SAMD12: variants seen among roughly 807,000 people sequenced by gnomAD.
SAMD12 encodes the protein sterile alpha motif domain-containing protein 12.
A neutral mutation model predicts 15.0 loss-of-function variants in SAMD12; 9 were observed. The observed-to-expected ratio is 0.60, with a 90% confidence interval of 0.36 to 1.05. SAMD12 has a LOEUF of 1.05. Among genes scored for constraint, SAMD12 ranks in the 50% least tolerant of loss-of-function variants. The pLI, the probability that SAMD12 is intolerant of heterozygous loss-of-function variation, is 0.01. For synonymous variants in SAMD12, 86 were observed against 90.1 expected, an observed-to-expected ratio of 0.96 and a Z score of 0.25; for missense variants, 230 against 234.2, an observed-to-expected ratio of 0.98 and a Z score of 0.12.
downstream of SAMD12, among the ~76,000 whole-genome samples, chr8:118,187,541 G>A (rs1819262086): frequency 6.6e-6 from 1 of 152,158 alleles, no homozygotes. Flanking sequence ...ATAAGATTCT[G>A]AATAATCTTA....
the SAMD12 span, among the ~76,000 whole-genome samples, chr8:118,140,928 C>A: frequency 1.3e-5 from 2 of 152,204 alleles, no homozygotes; most frequent in South Asian, 4.1e-4. Flanking sequence ...CCATGGCCTG[C>A]ATCAGGTTTT....
chr8:118,366,378 C>G (rs1014478098), intron 4 of SAMD12, among the ~76,000 whole-genome samples: 2 of 152,176 alleles, frequency 1.3e-5, no homozygotes, highest in Non-Finnish European at 2.9e-5. Context: ...GTCTCCTTAA[C>G]ATGACTTCAA....
chr8:118,193,444 A>T (rs1029425108), exon 5 of SAMD12: 2 of 152,240 alleles, frequency 1.3e-5, no homozygotes, highest in South Asian at 4.1e-4. Flanking sequence ...TGGATTCAGG[A>T]TTAGATTCAG....
intron 2 of SAMD12, among the ~76,000 whole-genome samples, chr8:118,497,723 C>CG (rs57304177): frequency 0.094 from 5,527 of 58,498 alleles, 314 homozygotes; most frequent in African/African-American, 0.17. Flanking sequence ...ACTTAAGTTG[C>CG]GGGGGGGGGT....
chr8:118,139,449 C>T, the SAMD12 span, among the ~76,000 whole-genome samples: 2 of 152,188 alleles, frequency 1.3e-5, no homozygotes, highest in East Asian at 1.9e-4. Context: ...GACTCAAACT[C>T]CTAGCTTGAA....
At chr8:118,539,939 C>T (rs1825944530) in intron 2 of SAMD12, among the ~76,000 whole-genome samples, 1 of 152,152 alleles carries the variant, frequency 6.6e-6, no homozygotes, top group Non-Finnish European at 1.5e-5. Context: ...ATTTATTCAA[C>T]AAATATTTAC....
intron 4 of SAMD12, among the ~76,000 whole-genome samples, chr8:118,228,654 T>C (rs1485948305): frequency 6.6e-6 from 1 of 152,146 alleles, no homozygotes; most frequent in Non-Finnish European, 1.5e-5. Context: ...TTGGCTTGGA[T>C]GCAGTGATCA....
chr8:118,133,639 C>T, the SAMD12 span, among the ~76,000 whole-genome samples: 1 of 152,032 alleles, frequency 6.6e-6, no homozygotes, highest in Non-Finnish European at 1.5e-5. Context: ...AAATACCTTC[C>T]CTGTGTTTCT....
chr8:118,179,839 A>G, the SAMD12 span, among the ~76,000 whole-genome samples: 1 of 152,200 alleles, frequency 6.6e-6, no homozygotes, highest in Non-Finnish European at 1.5e-5. Flanking sequence ...ATTAATCTGG[A>G]TTACCCTTCA....
chr8:118,464,594 A>T (rs1021738216), intron 2 of SAMD12, among the ~76,000 whole-genome samples: 4 of 152,106 alleles, frequency 2.6e-5, no homozygotes, highest in African/African-American at 9.7e-5. Flanking sequence ...GAAGGTAAAG[A>T]GAAAGCCTTT....
At chr8:118,420,104 G>A (rs1027752632) in intron 3 of SAMD12, among the ~76,000 whole-genome samples, 2 of 152,202 alleles carry the variant, frequency 1.3e-5, no homozygotes, top group African/African-American at 4.8e-5. Flanking sequence ...TTCTTCTGCT[G>A]CTCATTTACC....
the SAMD12 span, among the ~76,000 whole-genome samples, chr8:118,152,387 T>C: frequency 6.6e-6 from 1 of 152,114 alleles, no homozygotes; most frequent in Non-Finnish European, 1.5e-5. Context: ...TCTTTTTCCC[T>C]TTCTTTCTTC....
At chr8:118,370,596 A>T (rs1437139375) in intron 4 of SAMD12, among the ~76,000 whole-genome samples, 1 of 152,218 alleles carries the variant, frequency 6.6e-6, no homozygotes, top group Non-Finnish European at 1.5e-5. Context: ...ATGGAATACT[A>T]TGCAGACATA....
At chr8:118,245,507 G>A (rs182037642) in intron 4 of SAMD12, among the ~76,000 whole-genome samples, 179 of 152,162 alleles carry the variant, frequency 1.2e-3, no homozygotes, top group African/African-American at 3.9e-3. Context: ...TATTATTCCC[G>A]TTTATACAGG....
chr8:118,616,597 T>C (rs1255500820), intron 1 of SAMD12, among the ~76,000 whole-genome samples: 4 of 152,146 alleles, frequency 2.6e-5, no homozygotes, highest in Non-Finnish European at 4.4e-5. Flanking sequence ...ATCAACTCTC[T>C]GATGAGCAAG....
At chr8:118,439,673 A>G (rs1333480076) in intron 3 of SAMD12, among the ~76,000 whole-genome samples, 159 bp downstream of exon 3, 1 of 152,192 alleles carries the variant, frequency 6.6e-6, no homozygotes, top group Non-Finnish European at 1.5e-5. Flanking sequence ...GTTAAATAGC[A>G]TGGCTCACAT....
At chr8:118,406,738 T>G (rs187558762) in intron 3 of SAMD12, among the ~76,000 whole-genome samples, 1 of 152,298 alleles carries the variant, frequency 6.6e-6, no homozygotes, top group South Asian at 2.1e-4. Context: ...TTTCTTTAAG[T>G]TGGATTACAC....
chr8:118,537,490 C>A (rs2131140301), intron 2 of SAMD12, among the ~76,000 whole-genome samples: 1 of 152,044 alleles, frequency 6.6e-6, no homozygotes, highest in Admixed American at 6.5e-5. Flanking sequence ...TATCCTCTGA[C>A]TGTGTATTTT....
intron 2 of SAMD12, among the ~76,000 whole-genome samples, chr8:118,552,682 G>A (rs897629246): frequency 6.6e-6 from 1 of 152,148 alleles, no homozygotes; most frequent in African/African-American, 2.4e-5. Flanking sequence ...TCTGGCCACG[G>A]CAATTAGGCA....
Sources: allele counts gnomAD v4.1 joint callset (sites outside exome capture counted in the v4.1 genomes callset), GRCh38; gene constraint gnomAD v4.1.1; transcripts MANE v1.5; gene names NCBI Gene and HGNC (gene_info 2026-07-23, HGNC 2026-07-21).